ITSN2: variants seen among roughly 807,000 people sequenced by gnomAD.
ITSN2 encodes intersectin 2.
In ITSN2, 156 loss-of-function variants were observed where a neutral mutation model predicts 243.7. The ratio of observed to expected loss-of-function variants is 0.64; its 90% CI spans 0.56 to 0.73. The LOEUF (loss-of-function observed/expected upper bound fraction) is 0.73. ITSN2 is among the 30% of genes least tolerant of loss of function. The probability of loss-of-function intolerance (pLI) is 0.00; values close to 1 mark genes in which losing one functional copy is unlikely to be tolerated. For synonymous variants in ITSN2, 703 were observed against 699.9 expected (o/e 1.00, Z -0.07); for missense variants, 1,801 against 1,996.1 (o/e 0.90, Z 1.86).
At position 24,350,065 on chromosome 2, in the gene ITSN2, T is replaced by C. The variant is rs146385570; in HGVS notation, c.-34+10239A>G. 2.6e-5 allele frequency among the ~76,000 whole-genome samples: 4 copies of C among 152,330 alleles called. No homozygotes were observed. In the East Asian group the frequency reaches 5.8e-4, roughly 22 times the overall value. On this transcript the variant is annotated intron_variant, in intron 1 of 39. Coordinates refer to ENST00000355123, the MANE Select transcript of ITSN2 (RefSeq NM_006277.3). ...AGTTCTAGAAACCAGCTAATTTTAG[T>C]TGTGAATACTAAATTTCAGTAATCC... is the stretch of plus-strand genomic sequence containing the variant.
chr2:24,240,995 C>A (rs532338837), intron 29 of ITSN2: 38 of 152,026 alleles, frequency 2.5e-4, no homozygotes, highest in African/African-American at 8.9e-4. Context: ...GGTTGAAGAA[C>A]AGGTATTAGA....
intron 17 of ITSN2, among the ~76,000 whole-genome samples, chr2:24,281,476 G>A (rs547954750): frequency 6.6e-4 from 101 of 152,268 alleles, no homozygotes; most frequent in African/African-American, 2.4e-3. Flanking sequence ...GTCAAGATCT[G>A]TAACTCTTCT....
chr2:24,230,219 C>A (rs975387222), intron 29 of ITSN2, among the ~76,000 whole-genome samples: 9 of 152,198 alleles, frequency 5.9e-5, no homozygotes, highest in African/African-American at 2.2e-4. Flanking sequence ...GCAATATCAT[C>A]TCTCCAGCTG....
At chr2:24,261,284 A>T (rs774868346) in intron 21 of ITSN2, 34 bp from the exon 22 acceptor site, 3 of 1,489,244 alleles carry the variant, frequency 2.0e-6, no homozygotes, top group Non-Finnish European at 9.3e-7. Context: ...AAGTATATTT[A>T]TTTGTTTAGA....
chr2:24,240,722 T>C (rs1672627614), intron 29 of ITSN2: 1 of 152,166 alleles, frequency 6.6e-6, no homozygotes, highest in Non-Finnish European at 1.5e-5. Flanking sequence ...TGTGAGGAAA[T>C]ATGACTCTGT....
rs190345414 is a variant in ITSN2, at chr2:24,216,246, A to C, written c.3807-14T>G. Reference sequence around the variant, plus strand: ...ACCCGCAAAGCCCTGCCAAGAACACACTCTCATTTTGTGTTTCTAAGTGAA... The same window carrying C: ...ACCCGCAAAGCCCTGCCAAGAACACCCTCTCATTTTGTGTTTCTAAGTGAA... On this transcript the variant is annotated splice_polypyrimidine_tract_variant and intron_variant, in intron 31 of 39. Coordinates refer to ENST00000355123, the MANE Select transcript of ITSN2 (RefSeq NM_006277.3). 2,609 of 1,562,306 alleles carry C rather than the reference A, an allele frequency of 1.7e-3. 1 individual carries two copies. The highest frequency in any genetic ancestry group is 2.0e-3 in the Non-Finnish European group (2,250 of 1,153,008).
chr2:24,340,529 A>G (rs1457768291), intron 1 of ITSN2, among the ~76,000 whole-genome samples: 1 of 152,060 alleles, frequency 6.6e-6, no homozygotes, highest in Non-Finnish European at 1.5e-5. Context: ...ATCAAGATGA[A>G]GAAAGTCAAA....
At chr2:24,228,647 G>A (rs183156467) in intron 29 of ITSN2, among the ~76,000 whole-genome samples, 1 of 152,192 alleles carries the variant, frequency 6.6e-6, no homozygotes, top group East Asian at 1.9e-4. Context: ...ACCACTCAAA[G>A]AACAGACATA....
chr2:24,275,378 C>T (rs933963464), intron 18 of ITSN2, among the ~76,000 whole-genome samples: 3 of 152,186 alleles, frequency 2.0e-5, no homozygotes, highest in Non-Finnish European at 4.4e-5. Context: ...TTATTTAATA[C>T]ATTTACCTAT....
intron 19 of ITSN2, 149 bp downstream of exon 19, chr2:24,271,617 T>C: frequency 1.3e-5 from 13 of 989,550 alleles, no homozygotes; most frequent in Non-Finnish European, 1.8e-5. Context: ...ATAAGCCTAC[T>C]GCTTTTTATC....
chr2:24,332,242 C>CA (rs931341186), intron 1 of ITSN2, among the ~76,000 whole-genome samples: 7 of 149,432 alleles, frequency 4.7e-5, no homozygotes, highest in Non-Finnish European at 7.4e-5. Context: ...AACTCCGTCT[C>CA]AAAAAAAAAG....
chr2:24,208,962 C>G (rs537619117), intron 36 of ITSN2, 138 bp downstream of exon 36: 1 of 888,682 alleles, frequency 1.1e-6, no homozygotes, highest in East Asian at 2.7e-5. Context: ...GGGACTGGAG[C>G]AGAGGGGATG....
At chr2:24,327,639 T>G (rs1351724873) in intron 2 of ITSN2, among the ~76,000 whole-genome samples, 1 of 152,158 alleles carries the variant, frequency 6.6e-6, no homozygotes, top group Non-Finnish European at 1.5e-5. Flanking sequence ...CAATTATGTA[T>G]GCAGGCATAC....
At position 24,203,512 on chromosome 2, in the gene ITSN2, G is replaced by A; in HGVS notation, c.*114C>T. The A allele has an allele frequency of 1.9e-6, 2 of 1,056,696 alleles. No homozygotes were observed. Among genetic ancestry groups the A allele is most frequent in the Non-Finnish European group, 2.7e-6 (2 of 744,216 alleles). 65.5% of individuals were successfully genotyped at this position (1,056,696 alleles called of 1,614,324 possible). The stretch of plus-strand genomic sequence containing the variant: ...GGAAAACAGAGCCCCCAGCGTGCAT[G>A]GCTTTGTGAGGGGTGAAGCTGCATG... On this transcript the variant is annotated 3_prime_UTR_variant, in exon 40 of 40. Transcript: ENST00000355123.
chr2:24,252,363 G>A lies in ITSN2; in HGVS notation c.3102C>T (p.Val1034=), dbSNP rs368584683. The change falls in exon 25 of 40, where the codon GTC becomes GTT. Residue 1034 remains valine, a synonymous_variant. Transcript: ENST00000355123. ...DRSGIFPSNY[V]KPKDQESFGS... is the part of the protein sequence containing the mutation. The stretch of plus-strand genomic sequence containing the variant: ...AAAATACCTCTTGATCCTTTGGTTT[G>A]ACATAGTTTGATGGAAAAATTCCAC... 53 of 1,611,514 alleles carry A rather than the reference G, an allele frequency of 3.3e-5. No homozygotes were observed. Among genetic ancestry groups the A allele is most frequent in the South Asian group, 8.8e-5 (8 of 90,954 alleles).
At chr2:24,233,644 G>A (rs1022314053) in intron 29 of ITSN2, among the ~76,000 whole-genome samples, 1 of 152,156 alleles carries the variant, frequency 6.6e-6, no homozygotes, top group African/African-American at 2.4e-5. Flanking sequence ...TTGGTACACA[G>A]CAAATATTTA....
At chr2:24,219,451 C>T (rs1457130409) in intron 30 of ITSN2, among the ~76,000 whole-genome samples, 2 of 152,194 alleles carry the variant, frequency 1.3e-5, no homozygotes, top group Non-Finnish European at 2.9e-5. Context: ...CCGGCCTGCT[C>T]GGAGGCTGCT....
intron 1 of ITSN2, among the ~76,000 whole-genome samples, chr2:24,340,078 G>A (rs113180297): frequency 6.6e-6 from 1 of 151,940 alleles, no homozygotes; most frequent in African/African-American, 2.4e-5. Flanking sequence ...AAGCCAAAGA[G>A]ATTAAGTAAC....
At chr2:24,339,616 GA>G (rs1222056287) in intron 1 of ITSN2, among the ~76,000 whole-genome samples, 1 of 152,194 alleles carries the variant, frequency 6.6e-6, no homozygotes, top group Non-Finnish European at 1.5e-5. Flanking sequence ...CAACTTCAGT[GA>G]GACTAGCTCT....
Sources: allele counts gnomAD v4.1 joint callset (sites outside exome capture counted in the v4.1 genomes callset), GRCh38; gene constraint gnomAD v4.1.1; transcripts MANE v1.5; gene names NCBI Gene and HGNC (gene_info 2026-07-23, HGNC 2026-07-21).